The following PPM1L variants were observed in gnomAD, a reference collection of about 807,000 sequenced individuals.
PPM1L encodes the protein protein phosphatase 1L.
In PPM1L, 13 loss-of-function variants were observed where a neutral mutation model predicts 31.4. The observed-to-expected ratio is 0.41, with a 90% CI of 0.27 to 0.66. The LOEUF (loss-of-function observed/expected upper bound fraction) is 0.66. PPM1L is among the 30% of genes least tolerant of loss of function. PPM1L has a pLI of 0.29. For missense variants in PPM1L, 326 were observed against 453.7 expected (o/e 0.72, Z 2.56); for synonymous variants, 184 against 175.4 (o/e 1.05, Z -0.39).
chr3:160,964,328 A>T (rs1716065497), intron 2 of PPM1L, among the ~76,000 whole-genome samples: 1 of 151,960 alleles, frequency 6.6e-6, no homozygotes, highest in Non-Finnish European at 1.5e-5. Flanking sequence ...TTTGTATGTT[A>T]TGTGTATTTA....
intron 1 of PPM1L, among the ~76,000 whole-genome samples, chr3:160,875,088 A>C (rs985865203): frequency 6.6e-6 from 1 of 152,200 alleles, no homozygotes; most frequent in Non-Finnish European, 1.5e-5. Context: ...TTCATTTTGC[A>C]TATATTATAT....
intron 1 of PPM1L, among the ~76,000 whole-genome samples, chr3:160,880,600 A>G (rs1712677974): frequency 6.6e-6 from 1 of 151,488 alleles, no homozygotes; most frequent in South Asian, 2.1e-4. Context: ...CTACCAAATC[A>G]TATTACTGGT....
chr3:161,001,288 GT>G (rs917674207), intron 2 of PPM1L, among the ~76,000 whole-genome samples: 1 of 146,562 alleles, frequency 6.8e-6, no homozygotes, highest in African/African-American at 2.7e-5. Context: ...ATAGTTTTTT[GT>G]TTTTTGTTCT....
At chr3:160,798,372 A>G (rs572935780) in intron 1 of PPM1L, among the ~76,000 whole-genome samples, 3 of 152,298 alleles carry the variant, frequency 2.0e-5, no homozygotes, top group African/African-American at 7.2e-5. Flanking sequence ...TGGCTTCAAA[A>G]CTTCAAAGGA....
rs139426803 is a variant in PPM1L, at chr3:160,867,628, T to A, written c.400-94108T>A. On this transcript the variant is annotated intron_variant, in intron 1 of 3. Coordinates refer to ENST00000498165, the MANE Select transcript of PPM1L (RefSeq NM_139245.4). ...AATCAATATTGCAAACAGACAACTG[T>A]AAACCTCAAGTTTTTGTTAATGAAG... 2.0e-4 allele frequency among the ~76,000 whole-genome samples: 30 copies of A among 152,350 alleles called. No individual in the cohort carries two copies. The East Asian group carries it at 5.4e-3, about 27-fold the overall frequency.
Position 161,065,539 on chromosome 3 carries a change from G to C in PPM1L, c.711G>C (p.Lys237Asn), listed in dbSNP as rs769463021. 1.2e-6 allele frequency: 2 copies of C among 1,613,988 alleles called. No homozygotes were observed. The highest frequency in any genetic ancestry group is 2.2e-5 in the South Asian group (2 of 91,078). ...LSHDHKPYQLKERKRIKRAGG... is the reference protein window; with the variant it reads ...LSHDHKPYQLNERKRIKRAGG... ...ATGATCACAAGCCTTACCAGTTGAA[G>C]GAAAGAAAGAGGATAAAGAGAGCAG... The change falls in exon 3 of 4, where the codon AAG becomes AAC. Residue 237 changes from lysine to asparagine, a missense_variant. By Grantham distance (94) the Lys-to-Asn change is moderately conservative (BLOSUM62 0). This residue lies in a region of PPM1L where 201 missense variants were observed against 298.2 expected (regional missense o/e 0.67). Coordinates refer to ENST00000498165, the MANE Select transcript of PPM1L (RefSeq NM_139245.4).
chr3:160,835,998 C>T (rs1047787444), intron 1 of PPM1L, among the ~76,000 whole-genome samples: 2 of 149,834 alleles, frequency 1.3e-5, no homozygotes, highest in African/African-American at 4.9e-5. Flanking sequence ...CTGTTCTGGC[C>T]AGAAATCAAT....
At chr3:160,833,658 T>C (rs570425426) in intron 1 of PPM1L, among the ~76,000 whole-genome samples, 1 of 152,286 alleles carries the variant, frequency 6.6e-6, no homozygotes, top group East Asian at 1.9e-4. Flanking sequence ...TAAGTTCCTA[T>C]ATATTCTGGA....
At chr3:160,844,689 C>G (rs1714017604) in intron 1 of PPM1L, among the ~76,000 whole-genome samples, 2 of 151,928 alleles carry the variant, frequency 1.3e-5, no homozygotes, top group African/African-American at 4.8e-5. Flanking sequence ...AACTGTTTGT[C>G]TAGCCCTAGG....
intron 1 of PPM1L, among the ~76,000 whole-genome samples, chr3:160,938,483 T>C (rs920538959): frequency 6.6e-6 from 1 of 152,236 alleles, no homozygotes; most frequent in Non-Finnish European, 1.5e-5. Context: ...CTATTATCTT[T>C]ACTCTGCTAT....
At chr3:160,913,334 T>A (rs1714038231) in intron 1 of PPM1L, among the ~76,000 whole-genome samples, 1 of 152,014 alleles carries the variant, frequency 6.6e-6, no homozygotes, top group African/African-American at 2.4e-5. Context: ...ATGTCAGAGG[T>A]CGAAGAAAAT....
At chr3:161,002,910 G>T (rs1486123099) in intron 2 of PPM1L, among the ~76,000 whole-genome samples, 1 of 146,194 alleles carries the variant, frequency 6.8e-6, no homozygotes, top group African/African-American at 2.5e-5. Flanking sequence ...TGAAGTCCTT[G>T]CCCATGCCTA....
At chr3:160,823,623 A>G (rs568418017) in intron 1 of PPM1L, among the ~76,000 whole-genome samples, 51 of 152,264 alleles carry the variant, frequency 3.3e-4, no homozygotes, top group South Asian at 1.0e-3. Flanking sequence ...GGCCAGAAAT[A>G]ATTACTATAA....
intron 2 of PPM1L, among the ~76,000 whole-genome samples, chr3:161,020,312 C>T (rs1718205870): frequency 6.6e-6 from 1 of 152,080 alleles, no homozygotes; most frequent in Admixed American, 6.6e-5. Flanking sequence ...TGTTTCCTCC[C>T]TTTAAACTTA....
intron 1 of PPM1L, among the ~76,000 whole-genome samples, chr3:160,957,288 TAATC>T (rs1390289167): frequency 6.6e-6 from 1 of 152,256 alleles, no homozygotes; most frequent in Non-Finnish European, 1.5e-5. Context: ...TACATTTTCT[TAATC>T]TAGTTTATCA....
chr3:160,828,623 TGCA>T (rs1486257747), intron 1 of PPM1L, among the ~76,000 whole-genome samples: 5 of 152,206 alleles, frequency 3.3e-5, no homozygotes, highest in Middle Eastern at 3.4e-3. Context: ...GGGTAGAGAC[TGCA>T]GGTTTTGGTA....
chr3:160,922,309 A>T (rs1714442725), intron 1 of PPM1L, among the ~76,000 whole-genome samples: 1 of 151,814 alleles, frequency 6.6e-6, no homozygotes, highest in Admixed American at 6.6e-5. Context: ...GACTCCGTCT[A>T]AAAAAAATAT....
At chr3:160,934,095 A>C (rs1405052807) in intron 1 of PPM1L, among the ~76,000 whole-genome samples, 1 of 152,238 alleles carries the variant, frequency 6.6e-6, no homozygotes, top group Non-Finnish European at 1.5e-5. Context: ...TGAAGATATG[A>C]AAATAAGAAA....
rs752486561 is a variant in PPM1L at position 161,019,536 on chromosome 3, C to A, written c.575-45867C>A. 3.8e-4 allele frequency among the ~76,000 whole-genome samples: 58 copies of A among 152,028 alleles called. 1 individual carries two copies. The highest frequency in any genetic ancestry group is 2.5e-3 in the Admixed American group (38 of 15,254). ...TAACTACTAAAATAAATTCTGGACA[C>A]TTTTTGGTGAGGTCAACAGCTGGTT... On this transcript the variant is annotated intron_variant, in intron 2 of 3. Transcript: ENST00000498165.
Sources: allele counts gnomAD v4.1 joint callset (sites outside exome capture counted in the v4.1 genomes callset), GRCh38; gene constraint gnomAD v4.1.1; regional missense constraint gnomAD v4.1.1; transcripts MANE v1.5; gene names NCBI Gene and HGNC (gene_info 2026-07-23, HGNC 2026-07-21).